The following SGO1 variants were observed in gnomAD, a reference collection of about 807,000 sequenced individuals.
SGO1 encodes shugoshin 1, also known as serologically defined breast cancer antigen NY-BR-85.
Under a neutral mutation model 50.5 loss-of-function variants are expected in SGO1, and 39 were observed. That is an observed-to-expected ratio of 0.77 (90% CI 0.60 to 1.01). The LOEUF (loss-of-function observed/expected upper bound fraction) is 1.01, where lower values mean the gene tolerates loss of function less well. Ranked by LOEUF, SGO1 falls within the 50% of genes least tolerant of loss-of-function variation. The probability of loss-of-function intolerance (pLI) is 0.00; values close to 1 mark genes in which losing one functional copy is unlikely to be tolerated. For missense variants in SGO1, 638 were observed against 606.0 expected (o/e 1.05, Z -0.55); for synonymous variants, 191 against 205.1 (o/e 0.93, Z 0.59).
downstream of SGO1, among the ~76,000 whole-genome samples, chr3:20,164,566 G>A (rs1055980010): frequency 1.3e-5 from 2 of 152,088 alleles, no homozygotes; most frequent in African/African-American, 4.8e-5. Context: ...TCAACATTAT[G>A]GAGGAAGTTC....
chr3:20,174,505 A>T lies in SGO1; in HGVS notation c.1026T>A (p.Gly342=). The change falls in exon 6 of 8, where the codon GGT becomes GGA. Residue 342 remains glycine, a synonymous_variant. Coordinates refer to ENST00000412997, the MANE Select transcript of SGO1 (RefSeq NM_001199251.3). The stretch of plus-strand genomic sequence containing the variant: ...TTTGTCGGAAAGGAGTAAGATGAAC[A>T]CCCTCTTCCAAATTAAAATTGTAAG... ...NDAYNFNLEE[G]VHLTPFRQKV... is the part of the protein sequence containing the mutation. 1 of 1,614,032 alleles carries T rather than the reference A, an allele frequency of 6.2e-7. No individual in the cohort carries two copies. Among genetic ancestry groups the T allele is most frequent in the Admixed American group, 1.7e-5 (1 of 60,006 alleles).
At position 20,174,823 on chromosome 3, in the gene SGO1, G is replaced by T; in HGVS notation, c.708C>A (p.His236Gln). 1 of 1,614,070 alleles carries T rather than the reference G, an allele frequency of 6.2e-7. No homozygotes were observed. Among genetic ancestry groups the T allele is most frequent in the Non-Finnish European group, 8.5e-7 (1 of 1,180,010 alleles). ...VGFLDPLVNM[H>Q]IPENVQHNAC... is the part of the protein sequence containing the mutation. ...CATTGTGTTGTACATTTTCAGGTAT[G>T]TGCATGTTTACTAGTGGGTCTAAAA... The change falls in exon 6 of 8, where the codon CAC becomes CAA. Residue 236 changes from histidine (H) to glutamine (Q), a missense_variant. Transcript: ENST00000412997.
rs555284421 is a variant in SGO1, at chr3:20,179,031, G to A, written c.340-684C>T. Among the ~76,000 whole-genome samples, 4 of 152,316 alleles carry A rather than the reference G, an allele frequency of 2.6e-5. No homozygotes were observed. The East Asian group carries it at 7.7e-4, about 29-fold the overall frequency. On this transcript the variant is annotated intron_variant, in intron 3 of 7. Transcript: ENST00000412997. ...CAAGATATGATATCAGCTAAGATTA[G>A]AGTCATGGCTATGGAGGTGAAGCCC...
At chr3:20,167,878 T>C (rs2125243566), downstream of SGO1, among the ~76,000 whole-genome samples, 1 of 152,296 alleles carries the variant, frequency 6.6e-6, no homozygotes, top group Non-Finnish European at 1.5e-5. Flanking sequence ...AGATGCAGAA[T>C]ATTCACTGCA....
At chr3:20,179,784 G>A (rs1026729437) in intron 3 of SGO1, among the ~76,000 whole-genome samples, 3 of 152,218 alleles carry the variant, frequency 2.0e-5, no homozygotes, top group Admixed American at 1.3e-4. Context: ...AAAAGAGACC[G>A]ACATGGAACA....
chr3:20,168,713 G>C (rs529742282), downstream of SGO1, among the ~76,000 whole-genome samples: 1 of 151,512 alleles, frequency 6.6e-6, no homozygotes, highest in African/African-American at 2.4e-5. Context: ...CACCATCTCG[G>C]CTCACTGCAA....
exon 9 of SGO1, chr3:20,160,920 T>C: frequency 1.3e-6 from 1 of 780,998 alleles, no homozygotes; most frequent in Non-Finnish European, 1.9e-6. Context: ...TCGGTCACCC[T>C]GGGAAAGTTG....
exon 9 of SGO1, chr3:20,161,054 A>G (rs1700010289): frequency 3.1e-6 from 5 of 1,610,568 alleles, no homozygotes; most frequent in Non-Finnish European, 4.2e-6. Context: ...TGCATACATT[A>G]GTGAATGCAT....
At chr3:20,183,501 C>T in intron 3 of SGO1, 107 bp downstream of exon 3, 1 of 922,766 alleles carries the variant, frequency 1.1e-6, no homozygotes, top group Non-Finnish European at 1.6e-6. Flanking sequence ...TTAAACAATT[C>T]ATGCATAACT....
chr3:20,170,955 A>T, intron 7 of SGO1, 88 bp downstream of exon 7: 3 of 1,472,232 alleles, frequency 2.0e-6, no homozygotes, highest in Non-Finnish European at 2.7e-6. Context: ...TATATTTCAG[A>T]AAAAACTCAT....
chr3:20,169,363 A>AC (rs376234122), downstream of SGO1: 853 of 977,884 alleles, frequency 8.7e-4, no homozygotes, highest in African/African-American at 3.7e-3. Flanking sequence ...CACCTAGAAC[A>AC]CCCCCCCCTC....
downstream of SGO1, among the ~76,000 whole-genome samples, chr3:20,166,466 C>G (rs907064355): frequency 2.0e-5 from 3 of 152,064 alleles, no homozygotes; most frequent in Non-Finnish European, 4.4e-5. Flanking sequence ...ATTATGCTAA[C>G]TAAGCCAGAC....
chr3:20,184,516 C>A (rs1002861973), intron 1 of SGO1, among the ~76,000 whole-genome samples: 2 of 152,142 alleles, frequency 1.3e-5, no homozygotes, highest in African/African-American at 4.8e-5. Context: ...TTAGGTCATT[C>A]AACTATTTTT....
rs1701162060 is a variant in SGO1, at chr3:20,174,631, C to T, written c.900G>A (p.Arg300=). 6.2e-7 allele frequency: 1 copy of T among 1,601,322 alleles called. No homozygotes were observed. The highest frequency in any genetic ancestry group is 1.7e-5 in the Admixed American group (1 of 57,998). Residue 300 remains arginine, a synonymous_variant, in exon 6 of 8, where the codon AGG becomes AGA. Coordinates refer to ENST00000412997, the MANE Select transcript of SGO1 (RefSeq NM_001199251.3). The part of the protein sequence containing the change: ...RKREEKRKAN[R]RKSKRMSKYK... Reference sequence around the variant, plus strand: ...ATTTTGACATACGTTTTGATTTTCTCCTGTTAGCTTTTCTTTTCTCTTCTC... The same window carrying T: ...ATTTTGACATACGTTTTGATTTTCTTCTGTTAGCTTTTCTTTTCTCTTCTC...
chr3:20,170,199 G>A lies in SGO1; in HGVS notation c.*505C>T, dbSNP rs1284523051. The stretch of plus-strand genomic sequence containing the variant: ...AGATCACCTGAGGTTGGGAGTTTGA[G>A]AGCAACCTGACCAACATGGAGAAAC... On this transcript the variant is annotated 3_prime_UTR_variant, in exon 8 of 8. Transcript: ENST00000412997. 1.5e-6 allele frequency: 1 copy of A among 688,610 alleles called. No homozygotes were observed. Among genetic ancestry groups the A allele is most frequent in the Non-Finnish European group, 1.8e-6 (1 of 559,078 alleles). The allele number at this position is 688,610 out of a possible 1,614,324, so 42.7% of individuals were successfully genotyped here.
rs779764975 is a variant in SGO1, at chr3:20,174,997, A to C, written c.534T>G (p.Ala178=). The change falls in exon 6 of 8, where the codon GCT becomes GCG. Residue 178 remains alanine (A), a synonymous_variant. Transcript: ENST00000412997. ...TLGVDFDSGE[A]KSTDNVLPRT... ...TAGGTAAGACATTATCAGTAGACTT[A>C]GCTTCACCTGAATCAAAATCAACTC... 6 of 1,597,458 alleles carry C rather than the reference A, an allele frequency of 3.8e-6. No individual in the cohort carries two copies. The highest frequency in any genetic ancestry group is 1.3e-5 in the African/African-American group (1 of 74,360).
intron 3 of SGO1, 128 bp from the exon 4 acceptor site, chr3:20,178,475 T>A (rs1701645728): frequency 1.5e-6 from 1 of 662,768 alleles, no homozygotes; most frequent in African/African-American, 1.8e-5. Flanking sequence ...GAACTGAGAC[T>A]ATAACAGCTC....
intron 4 of SGO1, among the ~76,000 whole-genome samples, chr3:20,177,864 G>A (rs11925947): frequency 0.063 from 9,113 of 143,698 alleles, 872 homozygotes; most frequent in African/African-American, 0.21. Context: ...GGACAACTGT[G>A]TTAAATATGA....
intron 8 of SGO1, among the ~76,000 whole-genome samples, chr3:20,163,760 A>C (rs1006666494): frequency 3.3e-5 from 5 of 152,184 alleles, no homozygotes; most frequent in African/African-American, 1.2e-4. Flanking sequence ...AGGAATGAAA[A>C]GAGAGGAGGA....
Sources: gnomAD v4.1 joint callset for allele counts (sites outside exome capture counted in the v4.1 genomes callset) on GRCh38, gnomAD v4.1.1 for gene constraint, MANE v1.5 for transcripts, NCBI Gene and HGNC (gene_info 2026-07-23, HGNC 2026-07-21) for gene names.